COL24A1: variants seen among roughly 807,000 people sequenced by gnomAD.
COL24A1 encodes the protein collagen alpha-1(XXIV) chain.
COL24A1 carries 224 observed loss-of-function variants against 253.9 expected under a neutral mutation model. The observed-to-expected ratio is 0.88, with a 90% CI of 0.79 to 0.99. The LOEUF (loss-of-function observed/expected upper bound fraction) is 0.99. Among genes scored for constraint, COL24A1 ranks in the 50% least tolerant of loss-of-function variants. The pLI is 0.00. For synonymous variants in COL24A1, 685 were observed against 673.7 expected, an observed-to-expected ratio of 1.02 and a Z score of -0.26; for missense variants, 2,131 against 2,068.5, an observed-to-expected ratio of 1.03 and a Z score of -0.59.
intron 19 of COL24A1, 74 bp downstream of exon 19, chr1:86,017,077 A>C: frequency 7.4e-7 from 1 of 1,342,494 alleles, no homozygotes. Flanking sequence ...TGCTATGTTG[A>C]AACATGTTTT....
At chr1:85,945,018 T>TTTTTTTTTTTTG (rs1689172506) in intron 24 of COL24A1, among the ~76,000 whole-genome samples, 5 of 86,838 alleles carry the variant, frequency 5.8e-5, no homozygotes, top group Non-Finnish European at 9.2e-5. Flanking sequence ...TTTTTTTTTT[T>TTTTTTTTTTTTG]TTTTTTTTTT....
intron 59 of COL24A1, among the ~76,000 whole-genome samples, chr1:85,732,694 C>T (rs1451448295): frequency 2.6e-5 from 4 of 151,978 alleles, no homozygotes; most frequent in African/African-American, 9.7e-5. Context: ...TAATTGGCTG[C>T]CTTACTTTGC....
At chr1:85,940,542 G>A (rs1688659001) in intron 24 of COL24A1, among the ~76,000 whole-genome samples, 1 of 147,870 alleles carries the variant, frequency 6.8e-6, no homozygotes, top group South Asian at 2.2e-4. Context: ...TTATATTATC[G>A]ATTACATTTA....
intron 41 of COL24A1, among the ~76,000 whole-genome samples, chr1:85,841,823 AG>A (rs1356379239): frequency 6.6e-6 from 1 of 152,186 alleles, no homozygotes; most frequent in African/African-American, 2.4e-5. Flanking sequence ...ACTCTTACAA[AG>A]CTCTACAAAT....
rs117068661 is a variant in COL24A1, at chr1:85,818,203, A to G, written c.3790-116T>C. ...GCAAGAACTAGCACGAACTAGTTGT[A>G]TATCATTAGGATTGCCATTTAATTT... On this transcript the variant is annotated intron_variant, in intron 45 of 59. Coordinates refer to ENST00000370571, the MANE Select transcript of COL24A1 (RefSeq NM_152890.7). The G allele has an allele frequency of 1.7e-3, 1,209 of 723,570 alleles. 13 individuals are homozygous for G. The East Asian group carries it at 0.02, about 12-fold the overall frequency. 44.8% of individuals were successfully genotyped at this position (723,570 alleles called of 1,614,324 possible). A position where few individuals can be genotyped will look rare whatever the true frequency, so the allele number is the denominator to read the frequency against.
intron 43 of COL24A1, among the ~76,000 whole-genome samples, chr1:85,828,822 C>A (rs1674759383): frequency 6.9e-6 from 1 of 145,718 alleles, no homozygotes; most frequent in Non-Finnish European, 1.5e-5. Flanking sequence ...TGTGTCTCTG[C>A]ACATGAGATG....
At chr1:85,786,521 C>A in intron 47 of COL24A1, 60 bp from the exon 48 acceptor site, 1 of 1,494,052 alleles carries the variant, frequency 6.7e-7, no homozygotes, top group Non-Finnish European at 9.2e-7. Flanking sequence ...AGTTTAGAGG[C>A]TCAATAAAAT....
chr1:85,757,351 T>C (rs905368927), intron 55 of COL24A1, among the ~76,000 whole-genome samples: 3 of 152,094 alleles, frequency 2.0e-5, no homozygotes, highest in African/African-American at 4.8e-5. Flanking sequence ...TTGTACTATG[T>C]GTAATTAAAA....
At position 85,825,428 on chromosome 1, in the gene COL24A1, G is replaced by T. The variant is rs542214192; in HGVS notation, c.3682-1690C>A. On this transcript the variant is annotated intron_variant, in intron 43 of 59. Coordinates refer to ENST00000370571, the MANE Select transcript of COL24A1 (RefSeq NM_152890.7). ...TAGCAGCATGATTTATAGTCCTTTG[G>T]TTATATACCCAGTAATGGGATGGCT... 1.6e-4 allele frequency among the ~76,000 whole-genome samples: 24 copies of T among 152,228 alleles called. No individual in the cohort carries two copies. In the East Asian group the frequency reaches 3.5e-3, roughly 22 times the overall value.
At chr1:85,781,164 G>T in intron 52 of COL24A1, 56 bp downstream of exon 52, 1 of 1,229,876 alleles carries the variant, frequency 8.1e-7, no homozygotes, top group Non-Finnish European at 1.2e-6. Context: ...GAATATTCTA[G>T]AAATAGAATT....
At chr1:86,059,052 C>T in intron 9 of COL24A1, 69 bp downstream of exon 9, 1 of 979,578 alleles carries the variant, frequency 1.0e-6, no homozygotes, top group South Asian at 2.2e-5. Flanking sequence ...CATTAATTCT[C>T]AAAATCAGAA....
intron 19 of COL24A1, among the ~76,000 whole-genome samples, chr1:86,004,986 C>CA: frequency 6.6e-6 from 1 of 152,296 alleles, no homozygotes; most frequent in Middle Eastern, 3.4e-3. Flanking sequence ...GTACTCCTGT[C>CA]AAACATACAT....
In COL24A1 at chr1:86,141,702, C is replaced by CT. The variant is rs1230061696; in HGVS notation, c.121+4416dup. Reference sequence around the variant, plus strand: ...TGTTAAGCATATTTTTAGTGTCTTACTTTTTTTTTTTTTTTTGAGACAGAG... The same window carrying CT: ...TGTTAAGCATATTTTTAGTGTCTTACTTTTTTTTTTTTTTTTTGAGACAGAG... On this transcript the variant is annotated intron_variant, in intron 2 of 59. Transcript: ENST00000370571. 3.2e-3 allele frequency among the ~76,000 whole-genome samples: 459 copies of CT among 142,214 alleles called. 3 individuals are homozygous for CT. The highest frequency in any genetic ancestry group is 6.7e-3 in the African/African-American group (262 of 39,056). The allele number at this position is 142,214 out of a possible 152,430, so 93.3% of individuals were successfully genotyped here.
chr1:85,833,321 T>G (rs537844965), intron 43 of COL24A1, among the ~76,000 whole-genome samples: 44 of 152,242 alleles, frequency 2.9e-4, no homozygotes, highest in Non-Finnish European at 2.6e-4. Flanking sequence ...GAACAGACAC[T>G]TCTCAAAAGA....
intron 37 of COL24A1, among the ~76,000 whole-genome samples, chr1:85,860,208 G>A (rs1047045078): frequency 5.3e-5 from 8 of 152,192 alleles, no homozygotes; most frequent in South Asian, 2.1e-4. Flanking sequence ...TGATATCCAC[G>A]TATCATGTAT....
At chr1:85,989,487 C>A (rs1694032993) in intron 19 of COL24A1, among the ~76,000 whole-genome samples, 1 of 152,104 alleles carries the variant, frequency 6.6e-6, no homozygotes, top group African/African-American at 2.4e-5. Flanking sequence ...TAGGGCAAGT[C>A]ACTTTCTCTA....
intron 20 of COL24A1, among the ~76,000 whole-genome samples, chr1:85,982,201 C>T (rs543438405): frequency 4.1e-4 from 63 of 152,020 alleles, no homozygotes; most frequent in African/African-American, 1.4e-3. Flanking sequence ...CATCTATAGG[C>T]GGTATGTAAA....
At chr1:85,911,279 A>G (rs1685336523) in intron 25 of COL24A1, 101 bp downstream of exon 25, 1 of 896,888 alleles carries the variant, frequency 1.1e-6, no homozygotes, top group African/African-American at 1.7e-5. Context: ...TGCTAAAGTT[A>G]TAAGTGATTT....
intron 55 of COL24A1, among the ~76,000 whole-genome samples, chr1:85,748,584 C>A (rs1205714047): frequency 1.3e-5 from 2 of 151,002 alleles, no homozygotes; most frequent in African/African-American, 4.9e-5. Flanking sequence ...GTGAGCCACG[C>A]AGAAGACGGG....
Sources: allele counts gnomAD v4.1 joint callset (sites outside exome capture counted in the v4.1 genomes callset), GRCh38; gene constraint gnomAD v4.1.1; transcripts MANE v1.5; gene names NCBI Gene and HGNC (gene_info 2026-07-23, HGNC 2026-07-21).